Variants in CSMD1 observed in about 807,000 individuals in gnomAD.
CSMD1 encodes the protein CUB and Sushi multiple domains 1, also known as CUB and sushi domain-containing protein 1.
CSMD1 carries 213 observed loss-of-function variants against 417.5 expected under a neutral mutation model. That is an observed-to-expected ratio of 0.51 (90% confidence interval 0.46 to 0.57). The LOEUF (loss-of-function observed/expected upper bound fraction) is 0.57, where lower values mean the gene tolerates loss of function less well. Among genes scored for constraint, CSMD1 ranks in the 20% least tolerant of loss-of-function variants. The pLI, the probability that CSMD1 is intolerant of heterozygous loss-of-function variation, is 0.00. For missense variants in CSMD1, 6,923 were observed against 4,529.7 expected (o/e 1.53, Z -15.17); for synonymous variants, 2,862 against 1,736.8 (o/e 1.65, Z -16.11).
At chr8:4,914,766 A>G (rs796855626) in intron 1 of CSMD1, among the ~76,000 whole-genome samples, 1 of 152,160 alleles carries the variant, frequency 6.6e-6, no homozygotes, top group South Asian at 2.1e-4. Context: ...AGTTTACGTC[A>G]CTACCTGCAT....
rs146595640 is a variant in CSMD1 at position 4,090,058 on chromosome 8, A to C, written c.416-57959T>G. On this transcript the variant is annotated intron_variant, in intron 3 of 69. Transcript: ENST00000635120. ...ATATTGATTTATCATAGGACATGTA[A>C]ATTTTCGAATGAGCAAAACTTAACT... Among the ~76,000 whole-genome samples, 429 of 152,328 alleles carry C rather than the reference A, an allele frequency of 2.8e-3. 2 individuals are homozygous for C. Among genetic ancestry groups the C allele is most frequent in the African/African-American group, 9.8e-3 (408 of 41,578 alleles).
intron 10 of CSMD1, among the ~76,000 whole-genome samples, chr8:3,552,532 G>A (rs916513061): frequency 3.3e-5 from 5 of 152,112 alleles, no homozygotes; most frequent in Non-Finnish European, 2.9e-5. Flanking sequence ...AAGTTTTTTT[G>A]AATTGGATTA....
At chr8:3,450,202 G>T (rs1365429744) in intron 12 of CSMD1, among the ~76,000 whole-genome samples, 2 of 152,192 alleles carry the variant, frequency 1.3e-5, no homozygotes, top group Non-Finnish European at 2.9e-5. Flanking sequence ...GATAAGATGG[G>T]CCTTAACATC....
intron 49 of CSMD1, among the ~76,000 whole-genome samples, chr8:3,078,038 T>A (rs1033146964): frequency 2.6e-5 from 4 of 152,250 alleles, no homozygotes; most frequent in Non-Finnish European, 5.9e-5. Flanking sequence ...ATTTTGAGTA[T>A]TCCATGTCAG....
In CSMD1 at chr8:3,407,883, G is replaced by A; in HGVS notation, c.2071+16C>T. ...AAATGAGAACTTGGATGTGTTGACTGTGTGGGCGTACTTACTGGTGTAAGT... is the reference window on the plus strand; with the variant it reads ...AAATGAGAACTTGGATGTGTTGACTATGTGGGCGTACTTACTGGTGTAAGT... On this transcript the variant is annotated intron_variant, in intron 14 of 69. Transcript: ENST00000635120. 6.3e-7 allele frequency: 1 copy of A among 1,586,086 alleles called. No individual in the cohort carries two copies. Among genetic ancestry groups the A allele is most frequent in the South Asian group, 1.1e-5 (1 of 87,920 alleles).
intron 5 of CSMD1, among the ~76,000 whole-genome samples, chr8:3,771,721 G>A (rs2720771): frequency 0.99 from 151,328 of 152,264 alleles, 75,210 homozygotes; most frequent in East Asian, 1. Flanking sequence ...CAGACAAAAC[G>A]CAAGATTCAA....
rs371027410 is a variant in CSMD1, at chr8:2,984,495, T to C, written c.8378-5695A>G. Among the ~76,000 whole-genome samples the C allele has an allele frequency of 9.0e-4, 137 of 152,252 alleles. 2 individuals are homozygous for C. The South Asian group carries it at 0.028, about 31-fold the overall frequency. ...TCCTGAATAGCTGTGATTACAGGCATCCGCCACCATGCTCGGCTAATTTTT... is the reference window on the plus strand; with the variant it reads ...TCCTGAATAGCTGTGATTACAGGCACCCGCCACCATGCTCGGCTAATTTTT... On this transcript the variant is annotated intron_variant, in intron 54 of 69. Coordinates refer to ENST00000635120, the MANE Select transcript of CSMD1 (RefSeq NM_033225.6).
rs746832464 is a variant in CSMD1, at chr8:3,199,783, T to G, written c.5125A>C (p.Asn1709His). The G allele has an allele frequency of 1.4e-5, 22 of 1,580,226 alleles. No individual in the cohort carries two copies. The highest frequency in any genetic ancestry group is 1.7e-5 in the Non-Finnish European group (20 of 1,162,440). ...GCACTGAATCGGAGCAGAATTTGATTTGACGTAGCCAAGGGCAATGTTTCC... is the reference window on the plus strand; with the variant it reads ...GCACTGAATCGGAGCAGAATTTGATGTGACGTAGCCAAGGGCAATGTTTCC... The part of the protein sequence containing the change: ...SGETLPLATS[N>H]QILLRFSAKS... Residue 1709 changes from asparagine to histidine, a missense_variant, in exon 33 of 70, where the codon AAT (asparagine) becomes CAT (histidine). Transcript: ENST00000635120.
intron 6 of CSMD1, among the ~76,000 whole-genome samples, chr8:3,722,582 T>A (rs1444167758): frequency 6.6e-6 from 1 of 152,188 alleles, no homozygotes; most frequent in Non-Finnish European, 1.5e-5. Context: ...CTGCCATTAA[T>A]AACTCACCTT....
chr8:3,520,702 G>T (rs149055214), intron 10 of CSMD1, among the ~76,000 whole-genome samples: 1 of 151,942 alleles, frequency 6.6e-6, no homozygotes, highest in Non-Finnish European at 1.5e-5. Context: ...TCTACCTTCT[G>T]CTTGTTGCAT....
At chr8:4,230,734 A>T (rs1801671644) in intron 3 of CSMD1, among the ~76,000 whole-genome samples, 1 of 152,134 alleles carries the variant, frequency 6.6e-6, no homozygotes, top group African/African-American at 2.4e-5. Context: ...TATAAAACCG[A>T]TTACAAGCTA....
chr8:3,599,948 T>C (rs1189291502), intron 8 of CSMD1, among the ~76,000 whole-genome samples: 2 of 152,136 alleles, frequency 1.3e-5, no homozygotes, highest in South Asian at 2.1e-4. Flanking sequence ...TAAAGCAAAG[T>C]GTCGGTCTCT....
intron 5 of CSMD1, among the ~76,000 whole-genome samples, chr8:3,822,591 T>G (rs1424528357): frequency 2.0e-5 from 3 of 152,158 alleles, no homozygotes; most frequent in Non-Finnish European, 4.4e-5. Flanking sequence ...ATTGGTAACT[T>G]TTTTCTCTGG....
At chr8:4,249,579 G>A (rs549686843) in intron 3 of CSMD1, among the ~76,000 whole-genome samples, 17 of 152,300 alleles carry the variant, frequency 1.1e-4, no homozygotes, top group Middle Eastern at 3.4e-3. Flanking sequence ...ATCTTAGCTT[G>A]AAGCTGTGTA....
chr8:3,307,672 T>C, intron 25 of CSMD1, 23 bp downstream of exon 25: 1 of 1,609,954 alleles, frequency 6.2e-7, no homozygotes, highest in Non-Finnish European at 8.5e-7. Context: ...CTCAAATCAC[T>C]GAAACCAAAA....
intron 2 of CSMD1, among the ~76,000 whole-genome samples, chr8:4,580,144 G>A (rs1017126490): frequency 6.6e-6 from 1 of 152,180 alleles, no homozygotes; most frequent in Non-Finnish European, 1.5e-5. Flanking sequence ...ATGTGGCCCT[G>A]ACTGTACCAG....
chr8:4,589,900 G>C (rs1476766294), intron 2 of CSMD1, among the ~76,000 whole-genome samples: 1 of 152,086 alleles, frequency 6.6e-6, no homozygotes, highest in African/African-American at 2.4e-5. Context: ...CCTGCCTTCT[G>C]ACACCATAGA....
chr8:4,786,102 C>G (rs1002534882), intron 1 of CSMD1, among the ~76,000 whole-genome samples: 1 of 145,280 alleles, frequency 6.9e-6, no homozygotes. Flanking sequence ...ATGTGTAAGA[C>G]CAAAAAAAAT....
intron 24 of CSMD1, 51 bp from the exon 25 acceptor site, chr8:3,307,872 T>C (rs1166185222): frequency 6.3e-7 from 1 of 1,583,124 alleles, no homozygotes; most frequent in Non-Finnish European, 8.6e-7. Flanking sequence ...CATCACATGT[T>C]TCTATTTAGC....
Sources: allele counts gnomAD v4.1 joint callset (sites outside exome capture counted in the v4.1 genomes callset), GRCh38; gene constraint gnomAD v4.1.1; transcripts MANE v1.5; gene names NCBI Gene and HGNC (gene_info 2026-07-23, HGNC 2026-07-21).